The following PPFIBP2 variants were observed in gnomAD, a reference collection of about 807,000 sequenced individuals.
PPFIBP2 encodes liprin-beta-2.
A neutral mutation model predicts 118.3 loss-of-function variants in PPFIBP2; 118 were observed. That is an observed-to-expected ratio of 1.00 (90% CI 0.86 to 1.16). The LOEUF (loss-of-function observed/expected upper bound fraction) is 1.16. Ranked by LOEUF, PPFIBP2 falls within the 50% of genes most tolerant of loss-of-function variation. The pLI is 0.00. For synonymous variants in PPFIBP2, 414 were observed against 397.4 expected (o/e 1.04, Z -0.50); for missense variants, 1,195 against 1,073.1 (o/e 1.11, Z -1.59).
chr11:7,540,425 G>T (rs989919811), intron 1 of PPFIBP2, among the ~76,000 whole-genome samples: 2 of 152,152 alleles, frequency 1.3e-5, no homozygotes, highest in Non-Finnish European at 2.9e-5. Context: ...AAGGTCCAAG[G>T]CTGACTCCCA....
intron 1 of PPFIBP2, among the ~76,000 whole-genome samples, chr11:7,528,981 G>A (rs945848398): frequency 2.0e-5 from 3 of 152,160 alleles, no homozygotes; most frequent in Non-Finnish European, 2.9e-5. Context: ...CCTCAGGGTG[G>A]ACCCAGGGTC....
chr11:7,554,800 A>ACTGGACTGGACTGGACTGGACTGGACTG (rs1564967032), intron 2 of PPFIBP2, among the ~76,000 whole-genome samples: 9 of 144,978 alleles, frequency 6.2e-5, no homozygotes, highest in African/African-American at 2.4e-4. Flanking sequence ...AGACTAGACT[A>ACTGGACTGGACTGGACTGGACTGGACTG]GACTAGACTA....
At chr11:7,648,334 C>G in intron 17 of PPFIBP2, 53 bp from the exon 18 acceptor site, 1 of 1,544,598 alleles carries the variant, frequency 6.5e-7, no homozygotes, top group Non-Finnish European at 8.8e-7. Context: ...TGATTAGATT[C>G]AGAACCTCAG....
At chr11:7,663,492 G>C in the PPFIBP2 span, among the ~76,000 whole-genome samples, 24 of 152,214 alleles carry the variant, frequency 1.6e-4, no homozygotes, top group Non-Finnish European at 2.8e-4. Flanking sequence ...ACTTGAGGAG[G>C]CAGTCTGCCC....
chr11:7,629,967 G>A (rs1850538133), intron 10 of PPFIBP2, among the ~76,000 whole-genome samples: 1 of 152,208 alleles, frequency 6.6e-6, no homozygotes, highest in African/African-American at 2.4e-5. Context: ...AGCCTTCCTC[G>A]AGTTGCTGGG....
chr11:7,623,877 A>G (rs1849646985), intron 7 of PPFIBP2, among the ~76,000 whole-genome samples: 2 of 152,330 alleles, frequency 1.3e-5, no homozygotes, highest in South Asian at 4.2e-4. Context: ...CATTGTCACC[A>G]TGAGTCATAA....
chr11:7,621,135 A>G (rs898826964), intron 7 of PPFIBP2, 108 bp downstream of exon 7: 3 of 816,230 alleles, frequency 3.7e-6, no homozygotes, highest in Admixed American at 2.1e-5. Flanking sequence ...ATGCAAATCA[A>G]CCCTCCAGTG....
At chr11:7,586,686 C>T (rs1858263531) in intron 3 of PPFIBP2, among the ~76,000 whole-genome samples, 1 of 152,130 alleles carries the variant, frequency 6.6e-6, no homozygotes, top group South Asian at 2.1e-4. Flanking sequence ...TTGGTTTGTC[C>T]TCTTTCTGCA....
intron 6 of PPFIBP2, among the ~76,000 whole-genome samples, chr11:7,612,294 CAA>C (rs767146226): frequency 2.6e-5 from 4 of 152,170 alleles, no homozygotes; most frequent in Non-Finnish European, 5.9e-5. Flanking sequence ...CTTCTGCAGT[CAA>C]AGAGGTGCTT....
chr11:7,540,115 G>A (rs1341505777), intron 1 of PPFIBP2, among the ~76,000 whole-genome samples: 6 of 152,162 alleles, frequency 3.9e-5, no homozygotes, highest in South Asian at 2.1e-4. Context: ...CCTTAACTTC[G>A]TCTCCAGGTC....
downstream of PPFIBP2, among the ~76,000 whole-genome samples, chr11:7,661,538 T>C (rs1294442902): frequency 2.1e-5 from 3 of 143,626 alleles, no homozygotes; most frequent in Non-Finnish European, 4.6e-5. Flanking sequence ...TCTGTTCTTT[T>C]ACATTTGCTG....
chr11:7,642,174 A>G (rs1852289033), intron 16 of PPFIBP2, 124 bp from the exon 17 acceptor site: 1 of 1,134,634 alleles, frequency 8.8e-7, no homozygotes, highest in Non-Finnish European at 1.3e-6. Flanking sequence ...CTGGGAAGGT[A>G]CGGAGAAGCA....
intron 18 of PPFIBP2, 76 bp from the exon 19 acceptor site, chr11:7,648,724 C>T: frequency 1.4e-6 from 2 of 1,478,038 alleles, no homozygotes; most frequent in South Asian, 1.1e-5. Flanking sequence ...AGAGCATCTC[C>T]ACCCAGACAC....
At chr11:7,665,823 A>G in the PPFIBP2 span, 1 of 1,532,770 alleles carries the variant, frequency 6.5e-7, no homozygotes, top group South Asian at 1.2e-5. Flanking sequence ...ACAACGAGGT[A>G]TACCGAGGTG....
At chr11:7,629,110 C>CT (rs956718673) in intron 9 of PPFIBP2, among the ~76,000 whole-genome samples, 9 of 152,126 alleles carry the variant, frequency 5.9e-5, no homozygotes, top group Non-Finnish European at 5.9e-5. Context: ...TTATTTTAGT[C>CT]TTTTTTTGTG....
intron 17 of PPFIBP2, among the ~76,000 whole-genome samples, chr11:7,647,075 C>G (rs1484640013): frequency 6.6e-6 from 1 of 152,164 alleles, no homozygotes; most frequent in African/African-American, 2.4e-5. Flanking sequence ...TATACATTAT[C>G]TCTAACATTT....
intron 1 of PPFIBP2, among the ~76,000 whole-genome samples, chr11:7,527,086 C>A (rs1031558989): frequency 1.3e-5 from 2 of 150,688 alleles, no homozygotes; most frequent in Non-Finnish European, 3.0e-5. Context: ...AGAATGTCCT[C>A]CTGGATCACT....
intron 2 of PPFIBP2, among the ~76,000 whole-genome samples, chr11:7,552,833 C>G (rs572525037): frequency 8.5e-5 from 13 of 152,260 alleles, no homozygotes; most frequent in Admixed American, 4.6e-4. Context: ...CCTTCCCTGA[C>G]TGTGTCTATC....
intron 2 of PPFIBP2, among the ~76,000 whole-genome samples, chr11:7,552,921 A>G (rs1275061776): frequency 6.6e-6 from 1 of 152,132 alleles, no homozygotes; most frequent in East Asian, 1.9e-4. Context: ...TATCACATTC[A>G]TATTTGCCTC....
Sources: gnomAD v4.1 joint callset for allele counts (sites outside exome capture counted in the v4.1 genomes callset) on GRCh38, gnomAD v4.1.1 for gene constraint, MANE v1.5 for transcripts, NCBI Gene and HGNC (gene_info 2026-07-23, HGNC 2026-07-21) for gene names.